The following ARL6IP6 variants were observed in gnomAD, a reference collection of about 807,000 sequenced individuals.
ARL6IP6 encodes the protein ADP-ribosylation factor-like protein 6-interacting protein 6.
ARL6IP6 carries 22 observed loss-of-function variants against 21.5 expected under a neutral mutation model. The observed-to-expected ratio is 1.02, with a 90% CI of 0.73 to 1.46. ARL6IP6 has a LOEUF of 1.46. Among genes scored for constraint, ARL6IP6 ranks in the 40% most tolerant of loss-of-function variants. The pLI, the probability that ARL6IP6 is intolerant of heterozygous loss-of-function variation, is 0.00. For missense variants in ARL6IP6, 388 were observed against 299.8 expected (o/e 1.29, Z -2.17); for synonymous variants, 164 against 125.3 (o/e 1.31, Z -2.06).
intron 3 of ARL6IP6, among the ~76,000 whole-genome samples, chr2:152,752,565 G>A (rs1701389115): frequency 6.6e-6 from 1 of 152,222 alleles, no homozygotes; most frequent in African/African-American, 2.4e-5. Context: ...TCCGCAGGGT[G>A]GAATTGGGCC....
At chr2:152,754,651 C>T (rs1305717662) in intron 3 of ARL6IP6, among the ~76,000 whole-genome samples, 2 of 152,192 alleles carry the variant, frequency 1.3e-5, no homozygotes, top group East Asian at 3.8e-4. Flanking sequence ...CTGTTTCCTA[C>T]AGCAGCTGTA....
At chr2:152,759,704 G>A (rs370972436) in intron 3 of ARL6IP6, 43 bp from the exon 4 acceptor site, 41 of 1,520,142 alleles carry the variant, frequency 2.7e-5, no homozygotes, top group South Asian at 2.3e-4. Context: ...GTTATACCAC[G>A]TTACATTTTT....
Position 152,729,607 on chromosome 2 carries a change from G to C in ARL6IP6, c.455-5387G>C, listed in dbSNP as rs190511587. Among the ~76,000 whole-genome samples, 10 of 152,122 alleles carry C rather than the reference G, an allele frequency of 6.6e-5. No individual in the cohort carries two copies. In the East Asian group the frequency reaches 1.7e-3, roughly 26 times the overall value. ...CACACACAACAGAACTGTGGCTGTG[G>C]GTGCTGATAGGAAAGGTCTCCAGAA... On this transcript the variant is annotated intron_variant, in intron 2 of 3. Coordinates refer to ENST00000326446, the MANE Select transcript of ARL6IP6 (RefSeq NM_152522.7).
chr2:152,751,344 G>A (rs1701321255), intron 3 of ARL6IP6, among the ~76,000 whole-genome samples: 1 of 152,050 alleles, frequency 6.6e-6, no homozygotes, highest in Admixed American at 6.6e-5. Context: ...TCTTTGTATT[G>A]TGAGCATTCA....
rs59733436 is a variant in ARL6IP6 at position 152,747,837 on chromosome 2, C to T, written c.588-11910C>T. ...CCACCCGCCTTGGCCTCCCAAAGTG[C>T]TAGGATTGCAGGCGTGAGCCACCAT... On this transcript the variant is annotated intron_variant, in intron 3 of 3. Transcript: ENST00000326446. Among the ~76,000 whole-genome samples the T allele has an allele frequency of 9.2e-3, 1,399 of 152,208 alleles. 22 individuals carry two copies. Among genetic ancestry groups the T allele is most frequent in the African/African-American group, 0.032 (1,323 of 41,534 alleles).
At position 152,761,420 on chromosome 2, in the gene ARL6IP6, CAG is replaced by C. The variant is rs1378515106; in HGVS notation, c.*1582_*1583del. Among the ~76,000 whole-genome samples, 4 of 152,130 alleles carry C rather than the reference CAG, an allele frequency of 2.6e-5. No homozygotes were observed. Among genetic ancestry groups the C allele is most frequent in the African/African-American group, 4.8e-5 (2 of 41,440 alleles). On this transcript the variant is annotated 3_prime_UTR_variant, in exon 4 of 4. Coordinates refer to ENST00000326446, the MANE Select transcript of ARL6IP6 (RefSeq NM_152522.7). ...TCATTGCAAAGATGTACACAAGTAA[CAG>C]AATCAATTTATCTTCTCTCCACCAC...
chr2:152,758,901 G>A (rs1701707440), intron 3 of ARL6IP6, among the ~76,000 whole-genome samples: 1 of 152,078 alleles, frequency 6.6e-6, no homozygotes, highest in Non-Finnish European at 1.5e-5. Context: ...TTTGTCTTTT[G>A]GCTTTTACTT....
At chr2:152,730,181 G>A (rs1435056881) in intron 2 of ARL6IP6, among the ~76,000 whole-genome samples, 1 of 152,136 alleles carries the variant, frequency 6.6e-6, no homozygotes, top group African/African-American at 2.4e-5. Flanking sequence ...TACTTAGATT[G>A]TGGAATAGTA....
At chr2:152,734,106 T>G (rs1700447278) in intron 2 of ARL6IP6, among the ~76,000 whole-genome samples, 1 of 152,240 alleles carries the variant, frequency 6.6e-6, no homozygotes. Flanking sequence ...TAATGGGTTA[T>G]GAATAGTATC....
At chr2:152,742,273 AAAG>A (rs1700846722) in intron 3 of ARL6IP6, among the ~76,000 whole-genome samples, 1 of 152,170 alleles carries the variant, frequency 6.6e-6, no homozygotes, top group African/African-American at 2.4e-5. Flanking sequence ...CTAGAACTCT[AAAG>A]ATAATCGTGG....
chr2:152,756,524 T>TA (rs1010008487), intron 3 of ARL6IP6, among the ~76,000 whole-genome samples: 1 of 151,480 alleles, frequency 6.6e-6, no homozygotes, highest in Non-Finnish European at 1.5e-5. Flanking sequence ...ATTAAGAGAG[T>TA]AAAAAAAGAC....
At chr2:152,728,929 C>T (rs1700170731) in intron 2 of ARL6IP6, among the ~76,000 whole-genome samples, 1 of 151,852 alleles carries the variant, frequency 6.6e-6, no homozygotes, top group Non-Finnish European at 1.5e-5. Flanking sequence ...TGTGGTGGTG[C>T]ACACCTGTAG....
At position 152,722,630 on chromosome 2, in the gene ARL6IP6, C is replaced by T. The variant is rs546936049; in HGVS notation, c.454+2044C>T. Among the ~76,000 whole-genome samples the T allele has an allele frequency of 6.0e-4, 91 of 152,204 alleles. 1 individual carries two copies. In the South Asian group the frequency reaches 0.016, roughly 26 times the overall value. On this transcript the variant is annotated intron_variant, in intron 2 of 3. Transcript: ENST00000326446. ...TAAGATTGAGGTGATCGGCCACGCG[C>T]GGTGGCTCACACGTATAATCCCAAC...
intron 3 of ARL6IP6, among the ~76,000 whole-genome samples, chr2:152,743,050 T>G (rs1418019768): frequency 6.6e-6 from 1 of 152,212 alleles, no homozygotes; most frequent in Non-Finnish European, 1.5e-5. Context: ...TAACAGGCAC[T>G]CTGAGCTTTT....
intron 1 of ARL6IP6, among the ~76,000 whole-genome samples, chr2:152,719,448 T>C (rs13006652): frequency 0.14 from 22,055 of 152,226 alleles, 1,750 homozygotes; most frequent in Middle Eastern, 0.24. Flanking sequence ...ACACAGAATC[T>C]TGAGGGACAA....
At chr2:152,753,777 GCAAGCTCTGCCTC>G (rs1370126772) in intron 3 of ARL6IP6, among the ~76,000 whole-genome samples, 9 of 146,130 alleles carry the variant, frequency 6.2e-5, no homozygotes, top group Non-Finnish European at 1.2e-4. Flanking sequence ...TCAGCTCACT[GCAAGCTCTGCCTC>G]CTGGGTTCAC....
chr2:152,722,284 G>A (rs2105087744), intron 2 of ARL6IP6, among the ~76,000 whole-genome samples: 1 of 152,206 alleles, frequency 6.6e-6, no homozygotes, highest in South Asian at 2.1e-4. Flanking sequence ...TTTTGCTAAT[G>A]GCATGAATTT....
At chr2:152,723,595 AGACT>A (rs769510467) in intron 2 of ARL6IP6, among the ~76,000 whole-genome samples, 7 of 152,232 alleles carry the variant, frequency 4.6e-5, no homozygotes, top group Non-Finnish European at 8.8e-5. Flanking sequence ...TTTTCTAGAC[AGACT>A]GACAAAAATT....
At chr2:152,751,106 T>G (rs1701307786) in intron 3 of ARL6IP6, among the ~76,000 whole-genome samples, 1 of 152,218 alleles carries the variant, frequency 6.6e-6, no homozygotes, top group Non-Finnish European at 1.5e-5. Flanking sequence ...ACTACCCACT[T>G]TTGAAGTTTG....
Sources: allele counts gnomAD v4.1 joint callset (sites outside exome capture counted in the v4.1 genomes callset), GRCh38; gene constraint gnomAD v4.1.1; transcripts MANE v1.5; gene names NCBI Gene and HGNC (gene_info 2026-07-23, HGNC 2026-07-21).